DOCK5: variants seen among roughly 807,000 people sequenced by gnomAD.
The protein encoded by DOCK5 is dedicator of cytokinesis protein 5.
Under a neutral mutation model 251.8 loss-of-function variants are expected in DOCK5, and 142 were observed. That is an observed-to-expected ratio of 0.56 (90% CI 0.49 to 0.65). The LOEUF (loss-of-function observed/expected upper bound fraction) is 0.65. DOCK5 is among the 30% of genes least tolerant of loss of function. The probability of loss-of-function intolerance (pLI) is 0.00; values close to 1 mark genes in which losing one functional copy is unlikely to be tolerated. For missense variants in DOCK5, 2,111 were observed against 2,312.3 expected (o/e 0.91, Z 1.79); for synonymous variants, 842 against 835.5 (o/e 1.01, Z -0.13).
intron 2 of DOCK5, among the ~76,000 whole-genome samples, chr8:25,248,215 A>G (rs1803167408): frequency 6.6e-6 from 1 of 152,196 alleles, no homozygotes; most frequent in East Asian, 1.9e-4. Flanking sequence ...GTCCCATGAT[A>G]GGTCCTTGTA....
chr8:25,337,627 C>T (rs1212982741), intron 22 of DOCK5, among the ~76,000 whole-genome samples: 1 of 150,048 alleles, frequency 6.7e-6, no homozygotes, highest in African/African-American at 2.5e-5. Flanking sequence ...GCTCTGTCGC[C>T]CAGGCTGGAG....
At chr8:25,244,471 G>A (rs893741918) in intron 2 of DOCK5, among the ~76,000 whole-genome samples, 1 of 152,322 alleles carries the variant, frequency 6.6e-6, no homozygotes, top group Admixed American at 6.5e-5. Flanking sequence ...GCATAGCCAG[G>A]CCACTGAAGT....
intron 1 of DOCK5, among the ~76,000 whole-genome samples, chr8:25,239,569 T>A (rs1433245079): frequency 6.6e-6 from 1 of 152,014 alleles, no homozygotes; most frequent in Non-Finnish European, 1.5e-5. Flanking sequence ...ACCATTTCAG[T>A]ACAAGGCCAT....
chr8:25,224,615 G>A (rs1239389592), intron 1 of DOCK5, among the ~76,000 whole-genome samples: 1 of 152,208 alleles, frequency 6.6e-6, no homozygotes, highest in African/African-American at 2.4e-5. Context: ...ATTTAAAATA[G>A]TTATGGTTGA....
intron 1 of DOCK5, among the ~76,000 whole-genome samples, chr8:25,213,305 C>G (rs1802147740): frequency 2.0e-5 from 3 of 150,582 alleles, no homozygotes; most frequent in African/African-American, 4.9e-5. Context: ...CTCCCCACAC[C>G]CAGATATTTT....
chr8:25,193,697 C>T (rs1049995568), intron 1 of DOCK5, among the ~76,000 whole-genome samples: 3 of 151,804 alleles, frequency 2.0e-5, no homozygotes, highest in African/African-American at 7.3e-5. Context: ...CTGGGGAGGT[C>T]AAGGCTGCAG....
intron 31 of DOCK5, 75 bp from the exon 32 acceptor site, chr8:25,368,117 A>G: frequency 3.3e-6 from 4 of 1,194,898 alleles, no homozygotes; most frequent in Non-Finnish European, 4.9e-6. Context: ...GACTGTTTTT[A>G]CTTTCCTTCT....
intron 26 of DOCK5, among the ~76,000 whole-genome samples, chr8:25,345,880 C>T (rs577990985): frequency 2.6e-5 from 4 of 152,016 alleles, no homozygotes; most frequent in Non-Finnish European, 5.9e-5. Context: ...GAGGGAGTCT[C>T]GCTCTGTCGC....
At position 25,214,743 on chromosome 8, in the gene DOCK5, A is replaced by C. The variant is rs112025307; in HGVS notation, c.44-28931A>C. Among the ~76,000 whole-genome samples the C allele has an allele frequency of 4.9e-3, 751 of 152,190 alleles. 7 individuals carry two copies. The highest frequency in any genetic ancestry group is 0.017 in the African/African-American group (715 of 41,506). ...ATCGGTTGGTCATTAATCTTCCACA[A>C]ACCACGCACTTTATCATTGCGAAAG... On this transcript the variant is annotated intron_variant, in intron 1 of 51. Transcript: ENST00000276440.
intron 2 of DOCK5, among the ~76,000 whole-genome samples, chr8:25,252,254 CAA>C (rs1342245874): frequency 1.3e-5 from 2 of 152,056 alleles, no homozygotes; most frequent in Non-Finnish European, 2.9e-5. Context: ...GGTCAGAAGC[CAA>C]GAGAGAGACA....
chr8:25,378,180 A>G (rs1800997877), intron 38 of DOCK5, among the ~76,000 whole-genome samples: 1 of 152,172 alleles, frequency 6.6e-6, no homozygotes, highest in Non-Finnish European at 1.5e-5. Flanking sequence ...CATGATTAGT[A>G]TTTCTGGCAT....
At chr8:25,347,085 C>T (rs532263136) in intron 26 of DOCK5, among the ~76,000 whole-genome samples, 6 of 152,340 alleles carry the variant, frequency 3.9e-5, no homozygotes, top group South Asian at 2.1e-4. Flanking sequence ...AAGTCTTTAT[C>T]TTTCCAGTAT....
Position 25,190,824 on chromosome 8 carries a change from C to T in DOCK5, c.43+5873C>T, listed in dbSNP as rs1001577154. On this transcript the variant is annotated intron_variant, in intron 1 of 51. Transcript: ENST00000276440. The stretch of plus-strand genomic sequence containing the variant: ...TTTGAGACGGAGTCTTGCTCTGTCG[C>T]CCAGGGTGGAGTGCAGTGGCGCGAT... Among the ~76,000 whole-genome samples, 21 of 110,472 alleles carry T rather than the reference C, an allele frequency of 1.9e-4. 1 individual carries two copies. The highest frequency in any genetic ancestry group is 6.5e-4 in the African/African-American group (20 of 30,620). 72.5% of individuals were successfully genotyped at this position (110,472 alleles called of 152,430 possible). A position where few individuals can be genotyped will look rare whatever the true frequency, so the allele number is the denominator to read the frequency against.
intron 1 of DOCK5, among the ~76,000 whole-genome samples, chr8:25,235,649 C>T (rs1186383543): frequency 6.6e-6 from 1 of 152,142 alleles, no homozygotes; most frequent in Non-Finnish European, 1.5e-5. Context: ...AATGATGTGG[C>T]TTCTAAGTCA....
At chr8:25,385,910 AAAGTT>A (rs1801157234) in intron 40 of DOCK5, among the ~76,000 whole-genome samples, 1 of 152,192 alleles carries the variant, frequency 6.6e-6, no homozygotes, top group South Asian at 2.1e-4. Flanking sequence ...AACCAGAAAA[AAAGTT>A]AAAGAATAAG....
At chr8:25,223,883 T>C (rs1387176599) in intron 1 of DOCK5, among the ~76,000 whole-genome samples, 2 of 152,208 alleles carry the variant, frequency 1.3e-5, no homozygotes, top group African/African-American at 4.8e-5. Flanking sequence ...CTGTCAAAAC[T>C]GAGGCTCATC....
At chr8:25,313,664 C>A (rs1228399738) in intron 13 of DOCK5, among the ~76,000 whole-genome samples, 1 of 152,158 alleles carries the variant, frequency 6.6e-6, no homozygotes, top group African/African-American at 2.4e-5. Context: ...AATTCAACAC[C>A]AAGGTGACAG....
At chr8:25,283,771 G>T (rs1804266068) in intron 5 of DOCK5, among the ~76,000 whole-genome samples, 1 of 152,170 alleles carries the variant, frequency 6.6e-6, no homozygotes, top group Non-Finnish European at 1.5e-5. Context: ...CATACATAGA[G>T]AACCTGCTTG....
intron 27 of DOCK5, among the ~76,000 whole-genome samples, chr8:25,357,530 A>G (rs954708068): frequency 6.6e-6 from 1 of 151,726 alleles, no homozygotes; most frequent in African/African-American, 2.4e-5. Flanking sequence ...GGTGCCCACC[A>G]CCATGCCTGG....
Sources: allele counts gnomAD v4.1 joint callset (sites outside exome capture counted in the v4.1 genomes callset), GRCh38; gene constraint gnomAD v4.1.1; transcripts MANE v1.5; gene names NCBI Gene and HGNC (gene_info 2026-07-23, HGNC 2026-07-21).